BPTF: variants seen among roughly 807,000 people sequenced by gnomAD.
BPTF encodes nucleosome-remodeling factor subunit BPTF.
A neutral mutation model predicts 292.5 loss-of-function variants in BPTF; 18 were observed. The ratio of observed to expected loss-of-function variants is 0.06; its 90% CI spans 0.04 to 0.09. The LOEUF is 0.09. BPTF is among the 10% of genes least tolerant of loss of function. The pLI, the probability that BPTF is intolerant of heterozygous loss-of-function variation, is 1.00. For missense variants in BPTF, 2,726 were observed against 3,498.7 expected (o/e 0.78, Z 5.57); for synonymous variants, 1,225 against 1,251.9 (o/e 0.98, Z 0.45).
At chr17:67,843,861 G>A (rs978507771) in intron 1 of BPTF, among the ~76,000 whole-genome samples, 14 of 146,310 alleles carry the variant, frequency 9.6e-5, no homozygotes, top group Non-Finnish European at 1.8e-4. Flanking sequence ...CGCCTCCTGG[G>A]TTCAAGTGAT....
intron 4 of BPTF, chr17:67,875,476 G>T: frequency 8.9e-7 from 1 of 1,126,542 alleles, no homozygotes. Context: ...TGATTATTTA[G>T]TAGTTGACTG....
At position 67,912,153 on chromosome 17, in the gene BPTF, G is replaced by A. The variant is rs142570105; in HGVS notation, c.4269G>A (p.Leu1423=). The A allele has an allele frequency of 4.3e-3, 6,942 of 1,611,948 alleles. 22 individuals are homozygous for A. Among genetic ancestry groups the A allele is most frequent in the Non-Finnish European group, 5.5e-3 (6,512 of 1,179,122 alleles). The change falls in exon 11 of 28, where the codon TTG becomes TTA. Residue 1423 remains leucine (L), a synonymous_variant. Transcript: ENST00000306378. ...AAATATATTTGAAAGGTGAATGCTTGAAAGAAATTTCTGAGAGTAGAGTAG... is the reference window on the plus strand; with the variant it reads ...AAATATATTTGAAAGGTGAATGCTTAAAAGAAATTTCTGAGAGTAGAGTAG... The part of the protein sequence containing the change: ...KPKIYLKGEC[L]KEISESRVVS...
intron 9 of BPTF, among the ~76,000 whole-genome samples, chr17:67,909,135 A>G (rs1419993186): frequency 2.6e-5 from 4 of 151,018 alleles, no homozygotes; most frequent in African/African-American, 7.3e-5. Flanking sequence ...GCACCAGCCT[A>G]TAGTATTAAT....
chr17:67,907,676 T>C (rs2062324981), intron 9 of BPTF, among the ~76,000 whole-genome samples: 1 of 152,186 alleles, frequency 6.6e-6, no homozygotes, highest in South Asian at 2.1e-4. Flanking sequence ...ACTCTTTGTT[T>C]AGTTGTCACT....
chr17:67,826,007 C>G lies in BPTF; in HGVS notation c.283C>G (p.Arg95Gly), dbSNP rs1048617773. 1 of 1,049,364 alleles carries G rather than the reference C, an allele frequency of 9.5e-7. No homozygotes were observed. The highest frequency in any genetic ancestry group is 1.2e-6 in the Non-Finnish European group (1 of 840,832). 65.0% of individuals were successfully genotyped at this position (1,049,364 alleles called of 1,614,324 possible). ...PSTSAPGRGG[R>G]GGGGGRTGGG... is the part of the protein sequence containing the mutation. ...CACCAGCGCCCCGGGCCGGGGGGGGCGAGGAGGCGGGGGCGGCAGGACGGG... is the reference window on the plus strand; with the variant it reads ...CACCAGCGCCCCGGGCCGGGGGGGGGGAGGAGGCGGGGGCGGCAGGACGGG... Residue 95 changes from arginine (R) to glycine (G), a missense_variant, in exon 1 of 28, where the codon CGA (arginine) becomes GGA (glycine). Physicochemically the swap from Arg to Gly is moderately radical, Grantham distance 125. Coordinates refer to ENST00000306378, the MANE Select transcript of BPTF (RefSeq NM_182641.4).
chr17:67,874,170 C>T (rs528985078), intron 3 of BPTF, among the ~76,000 whole-genome samples: 5 of 152,140 alleles, frequency 3.3e-5, no homozygotes, highest in East Asian at 3.8e-4. Flanking sequence ...ACTGATATAC[C>T]GTGTGTTCTG....
chr17:67,840,418 A>C (rs540584520), intron 1 of BPTF, among the ~76,000 whole-genome samples: 84 of 151,798 alleles, frequency 5.5e-4, no homozygotes, highest in African/African-American at 1.9e-3. Context: ...AGATACCAAA[A>C]TCTTTATTTA....
chr17:67,860,324 TG>T (rs1308517013), intron 2 of BPTF, among the ~76,000 whole-genome samples: 2 of 152,228 alleles, frequency 1.3e-5, no homozygotes, highest in Non-Finnish European at 2.9e-5. Context: ...GGACTCCTCA[TG>T]ATAGTTTTAA....
intron 1 of BPTF, among the ~76,000 whole-genome samples, chr17:67,844,250 A>T (rs1364498569): frequency 5.3e-5 from 7 of 131,774 alleles, no homozygotes; most frequent in Non-Finnish European, 6.6e-5. Flanking sequence ...TGTCTGGCGA[A>T]TTTTTTTTTT....
At chr17:67,856,116 C>T (rs1375806764) in intron 2 of BPTF, among the ~76,000 whole-genome samples, 3 of 152,152 alleles carry the variant, frequency 2.0e-5, no homozygotes, top group Admixed American at 6.5e-5. Context: ...CGTTGGACTT[C>T]CTATTTTGGT....
chr17:67,924,616 C>T (rs1383279011), intron 15 of BPTF, 27 bp downstream of exon 15: 1 of 1,604,004 alleles, frequency 6.2e-7, no homozygotes, highest in Non-Finnish European at 8.5e-7. Context: ...AGGCAGAGGA[C>T]ATCAAGGCCC....
intron 3 of BPTF, among the ~76,000 whole-genome samples, chr17:67,870,068 C>T (rs2059631494): frequency 7.1e-6 from 1 of 141,304 alleles, no homozygotes; most frequent in African/African-American, 2.6e-5. Context: ...ACAAAGAGAA[C>T]ATTGAGCTTT....
In BPTF at chr17:67,909,775, G is replaced by C; in HGVS notation, c.2992+14G>C. 1 of 1,524,706 alleles carries C rather than the reference G, an allele frequency of 6.6e-7. No individual in the cohort carries two copies. Among genetic ancestry groups the C allele is most frequent in the Non-Finnish European group, 8.8e-7 (1 of 1,138,610 alleles). 94.4% of individuals were successfully genotyped at this position (1,524,706 alleles called of 1,614,324 possible). A position where few individuals can be genotyped will look rare whatever the true frequency, so the allele number is the denominator to read the frequency against. On this transcript the variant is annotated intron_variant, in intron 10 of 27. Coordinates refer to ENST00000306378, the MANE Select transcript of BPTF (RefSeq NM_182641.4). ...AGAAGGACCAAGGTAAGGAGAGTCA[G>C]CTGTGGAGGGCAGCCTGGGGGTGAT...
intron 3 of BPTF, among the ~76,000 whole-genome samples, chr17:67,873,458 CAAAAAA>C (rs996819236): frequency 4.2e-5 from 3 of 71,136 alleles, no homozygotes; most frequent in Admixed American, 1.6e-4. Flanking sequence ...AACTCCATCT[CAAAAAA>C]AAAAAAAAAG....
chr17:67,943,551 C>A (rs2065562185), intron 19 of BPTF, among the ~76,000 whole-genome samples: 2 of 152,072 alleles, frequency 1.3e-5, no homozygotes, highest in Admixed American at 1.3e-4. Context: ...TATCTAAAAC[C>A]CTAAGCTTTT....
intron 27 of BPTF, among the ~76,000 whole-genome samples, chr17:67,977,000 A>G (rs1599055942): frequency 6.6e-6 from 1 of 152,222 alleles, no homozygotes; most frequent in Non-Finnish European, 1.5e-5. Flanking sequence ...AAACTCTTAG[A>G]TAAAACCGAC....
At chr17:67,920,278 T>C in intron 13 of BPTF, 135 bp downstream of exon 13, 1 of 990,570 alleles carries the variant, frequency 1.0e-6, no homozygotes, top group Admixed American at 2.7e-5. Flanking sequence ...ATTTTGAAAA[T>C]GATATTAAAG....
At chr17:67,878,796 T>A (rs560644648) in intron 4 of BPTF, among the ~76,000 whole-genome samples, 1 of 152,210 alleles carries the variant, frequency 6.6e-6, no homozygotes, top group East Asian at 1.9e-4. Context: ...AGTTGTTTCA[T>A]GGGAGAGGGT....
chr17:67,948,114 T>C lies in BPTF; in HGVS notation c.7734T>C (p.Ile2578=). 1 of 1,614,130 alleles carries C rather than the reference T, an allele frequency of 6.2e-7. No homozygotes were observed. Among genetic ancestry groups the C allele is most frequent in the Non-Finnish European group, 8.5e-7 (1 of 1,180,008 alleles). The part of the protein sequence containing the change: ...MIVCNQVMKY[I]LDKIDKEEKQ... ...TCTGTAACCAGGTGATGAAGTATATTTTGGATAAGATAGATAAAGAAGAAA... is the reference window on the plus strand; with the variant it reads ...TCTGTAACCAGGTGATGAAGTATATCTTGGATAAGATAGATAAAGAAGAAA... The change falls in exon 23 of 28, where the codon ATT becomes ATC. Residue 2578 remains isoleucine, a synonymous_variant. Transcript: ENST00000306378.
Sources: gnomAD v4.1 joint callset for allele counts (sites outside exome capture counted in the v4.1 genomes callset) on GRCh38, gnomAD v4.1.1 for gene constraint, MANE v1.5 for transcripts, NCBI Gene and HGNC (gene_info 2026-07-23, HGNC 2026-07-21) for gene names.